The following CAMK2D variants were observed in gnomAD, a reference collection of about 807,000 sequenced individuals.
The protein encoded by CAMK2D is calcium/calmodulin-dependent protein kinase type II subunit delta.
A neutral mutation model predicts 84.0 loss-of-function variants in CAMK2D; 37 were observed. That is an observed-to-expected ratio of 0.44 (90% confidence interval 0.34 to 0.58). The LOEUF (loss-of-function observed/expected upper bound fraction) is 0.58. Ranked by LOEUF, CAMK2D falls within the 20% of genes least tolerant of loss-of-function variation. The probability of loss-of-function intolerance (pLI) is 0.02; values close to 1 mark genes in which losing one functional copy is unlikely to be tolerated. For missense variants in CAMK2D, 448 were observed against 652.5 expected, an observed-to-expected ratio of 0.69 and a Z score of 3.41; for synonymous variants, 202 against 212.5, an observed-to-expected ratio of 0.95 and a Z score of 0.43.
At chr4:113,505,193 C>G (rs1208196327) in intron 13 of CAMK2D, among the ~76,000 whole-genome samples, 158 bp from the exon 14 acceptor site, 1 of 152,104 alleles carries the variant, frequency 6.6e-6, no homozygotes, top group African/African-American at 2.4e-5. Flanking sequence ...GAATGATGAT[C>G]GCTAGTCTCC....
chr4:113,750,746 C>G (rs1003801068), intron 2 of CAMK2D, among the ~76,000 whole-genome samples: 1 of 152,184 alleles, frequency 6.6e-6, no homozygotes, highest in Non-Finnish European at 1.5e-5. Flanking sequence ...GTGAGTAGCT[C>G]ACGCCTGTAA....
chr4:113,632,256 C>T (rs758909476), intron 3 of CAMK2D, among the ~76,000 whole-genome samples: 47 of 152,144 alleles, frequency 3.1e-4, no homozygotes, highest in Non-Finnish European at 6.0e-4. Flanking sequence ...TATGGAGTTT[C>T]GCTCTTGTCC....
chr4:113,697,850 T>C (rs749673320), intron 2 of CAMK2D, among the ~76,000 whole-genome samples: 1 of 152,098 alleles, frequency 6.6e-6, no homozygotes, highest in Non-Finnish European at 1.5e-5. Flanking sequence ...AGTCATGGTG[T>C]TTAAAAGAAC....
At chr4:113,657,854 C>A (rs1307494473) in intron 3 of CAMK2D, among the ~76,000 whole-genome samples, 1 of 152,096 alleles carries the variant, frequency 6.6e-6, no homozygotes, top group Non-Finnish European at 1.5e-5. Flanking sequence ...TAGTTATTTC[C>A]TTCCTTAAAG....
chr4:113,505,862 CTT>C (rs542129312), intron 13 of CAMK2D, among the ~76,000 whole-genome samples: 3 of 152,152 alleles, frequency 2.0e-5, no homozygotes, highest in African/African-American at 4.8e-5. Context: ...AGAGAAGACT[CTT>C]TGTAGACAAG....
intron 4 of CAMK2D, among the ~76,000 whole-genome samples, chr4:113,572,352 AT>A (rs753090328): frequency 1.3e-4 from 20 of 152,116 alleles, no homozygotes; most frequent in Non-Finnish European, 2.8e-4. Context: ...TTTAAAAAAT[AT>A]GGTAAAAAGG....
intron 2 of CAMK2D, among the ~76,000 whole-genome samples, chr4:113,751,176 GA>G (rs1274314413): frequency 1.3e-5 from 2 of 152,152 alleles, no homozygotes; most frequent in African/African-American, 2.4e-5. Context: ...CACAGAGGGG[GA>G]AAGTTGATGA....
chr4:113,555,787 C>T (rs1173282735), intron 4 of CAMK2D, among the ~76,000 whole-genome samples: 1 of 152,034 alleles, frequency 6.6e-6, no homozygotes, highest in Non-Finnish European at 1.5e-5. Context: ...GTGCCCCCTC[C>T]CCAATTAATA....
intron 6 of CAMK2D, among the ~76,000 whole-genome samples, chr4:113,539,178 T>C (rs2098513265): frequency 6.6e-6 from 1 of 152,214 alleles, no homozygotes; most frequent in African/African-American, 2.4e-5. Flanking sequence ...CATTTCCTAA[T>C]CTGATCAAGA....
intron 2 of CAMK2D, chr4:113,679,367 T>C: frequency 1.7e-6 from 1 of 584,128 alleles, no homozygotes; most frequent in Non-Finnish European, 2.2e-6. Flanking sequence ...TATCCTCTTC[T>C]CTACTAACAC....
At chr4:113,592,486 C>A (rs2098894346) in intron 4 of CAMK2D, among the ~76,000 whole-genome samples, 1 of 152,172 alleles carries the variant, frequency 6.6e-6, no homozygotes, top group Non-Finnish European at 1.5e-5. Context: ...AAGAAGGCAC[C>A]AATTTAATAA....
intron 16 of CAMK2D, among the ~76,000 whole-genome samples, chr4:113,475,736 G>A (rs2097602229): frequency 6.6e-6 from 1 of 152,214 alleles, no homozygotes; most frequent in African/African-American, 2.4e-5. Context: ...TTACTACACA[G>A]GAATATGCAG....
intron 2 of CAMK2D, among the ~76,000 whole-genome samples, chr4:113,742,015 C>G (rs1397820499): frequency 6.6e-6 from 1 of 152,154 alleles, no homozygotes; most frequent in African/African-American, 2.4e-5. Flanking sequence ...TATAGCCCTG[C>G]TATATTTTCT....
At chr4:113,490,816 C>A (rs1248621999) in intron 16 of CAMK2D, among the ~76,000 whole-genome samples, 10 of 113,332 alleles carry the variant, frequency 8.8e-5, no homozygotes, top group South Asian at 5.9e-4. Flanking sequence ...CTTTTATTTC[C>A]TTGAGCAGTG....
At chr4:113,581,231 T>C (rs956253400) in intron 4 of CAMK2D, among the ~76,000 whole-genome samples, 2 of 152,050 alleles carry the variant, frequency 1.3e-5, no homozygotes, top group Non-Finnish European at 2.9e-5. Context: ...AAAGAAAGAC[T>C]GGCTGGGTGC....
At chr4:113,553,362 A>G (rs1351298918) in intron 4 of CAMK2D, among the ~76,000 whole-genome samples, 1 of 152,224 alleles carries the variant, frequency 6.6e-6, no homozygotes, top group African/African-American at 2.4e-5. Flanking sequence ...GTCATTTGGA[A>G]AAGCATCAAG....
chr4:113,660,835 T>C (rs886590112), intron 3 of CAMK2D, among the ~76,000 whole-genome samples: 73 of 149,314 alleles, frequency 4.9e-4, no homozygotes, highest in Admixed American at 1.7e-3. Context: ...CGCTCTCTCG[T>C]CCCAGGCTGG....
chr4:113,541,899 T>C (rs1318676201), intron 6 of CAMK2D, among the ~76,000 whole-genome samples: 1 of 152,218 alleles, frequency 6.6e-6, no homozygotes. Context: ...CTTGTCTCAT[T>C]TGTATACATG....
rs191753134 is a variant in CAMK2D, at chr4:113,451,799, A to T, written c.*2746T>A. ...ACAATGTGGTTGACAGGAGAGGTAA[A>T]TACAATCTATTATGTAGGTTTTGAG... On this transcript the variant is annotated 3_prime_UTR_variant, in exon 21 of 21. Coordinates refer to ENST00000511664, the MANE Select transcript of CAMK2D (RefSeq NM_001321571.2). The T allele has an allele frequency of 6.6e-6, 1 of 152,394 alleles. No individual in the cohort carries two copies. The highest frequency in any genetic ancestry group is 1.9e-4 in the East Asian group (1 of 5,188). The allele number at this position is 152,394 out of a possible 1,614,324, so 9.4% of individuals were successfully genotyped here.
Sources: gnomAD v4.1 joint callset for allele counts (sites outside exome capture counted in the v4.1 genomes callset) on GRCh38, gnomAD v4.1.1 for gene constraint, MANE v1.5 for transcripts, NCBI Gene and HGNC (gene_info 2026-07-23, HGNC 2026-07-21) for gene names.